The following GRM7 variants were observed in gnomAD, a reference collection of about 807,000 sequenced individuals.
GRM7 encodes the protein glutamate metabotropic receptor 7, also known as metabotropic glutamate receptor 7.
Under a neutral mutation model 84.5 loss-of-function variants are expected in GRM7, and 35 were observed. The observed-to-expected ratio is 0.41, with a 90% CI of 0.32 to 0.55. The LOEUF (loss-of-function observed/expected upper bound fraction) is 0.55. Among genes scored for constraint, GRM7 ranks in the 20% least tolerant of loss-of-function variants. The pLI is 0.19. For synonymous variants in GRM7, 487 were observed against 455.1 expected, an observed-to-expected ratio of 1.07 and a Z score of -0.89; for missense variants, 1,003 against 1,194.6, an observed-to-expected ratio of 0.84 and a Z score of 2.36.
rs553033887 is a variant in GRM7, at chr3:7,649,782, A to G, written c.2452-30267A>G. On this transcript the variant is annotated intron_variant, in intron 8 of 9. Coordinates refer to ENST00000357716, the MANE Select transcript of GRM7 (RefSeq NM_000844.4). Reference sequence around the variant, plus strand: ...TTCCTAATCATATAACATGGCCTATATAATTTTCCACCCAAATTTATTTCT... The same window carrying G: ...TTCCTAATCATATAACATGGCCTATGTAATTTTCCACCCAAATTTATTTCT... Among the ~76,000 whole-genome samples, 17 of 151,774 alleles carry G rather than the reference A, an allele frequency of 1.1e-4. No homozygotes were observed. In the South Asian group the frequency reaches 3.5e-3, roughly 32 times the overall value.
At chr3:7,503,021 T>C (rs1699929978) in intron 7 of GRM7, among the ~76,000 whole-genome samples, 1 of 152,138 alleles carries the variant, frequency 6.6e-6, no homozygotes, top group Non-Finnish European at 1.5e-5. Context: ...TAATAACTTA[T>C]ACATGTAATT....
chr3:7,665,960 T>G (rs1378591721), intron 8 of GRM7, among the ~76,000 whole-genome samples: 1 of 152,206 alleles, frequency 6.6e-6, no homozygotes, highest in East Asian at 1.9e-4. Context: ...TCAAAAATTA[T>G]TTTTTGAAGG....
chr3:7,686,772 A>T (rs144009399), intron 9 of GRM7, among the ~76,000 whole-genome samples: 79 of 152,282 alleles, frequency 5.2e-4, no homozygotes, highest in African/African-American at 1.8e-3. Flanking sequence ...ATTTCTCAGT[A>T]TTTCTCAATG....
chr3:6,929,237 TTAA>T (rs1346383329), intron 1 of GRM7, among the ~76,000 whole-genome samples: 7 of 152,200 alleles, frequency 4.6e-5, no homozygotes, highest in African/African-American at 1.4e-4. Flanking sequence ...TATTCATTTT[TTAA>T]TAACACACAG....
chr3:7,377,637 A>G (rs997461307), intron 4 of GRM7, among the ~76,000 whole-genome samples: 1 of 152,184 alleles, frequency 6.6e-6, no homozygotes, highest in Non-Finnish European at 1.5e-5. Context: ...GTGACCTCAG[A>G]TGTTGATATC....
chr3:7,042,063 G>A (rs556042153), intron 1 of GRM7, among the ~76,000 whole-genome samples: 12 of 152,164 alleles, frequency 7.9e-5, no homozygotes, highest in East Asian at 1.9e-4. Context: ...CCCATACCTC[G>A]CCCTATGCAT....
chr3:7,605,864 C>T (rs1575546695), intron 8 of GRM7, among the ~76,000 whole-genome samples: 1 of 152,196 alleles, frequency 6.6e-6, no homozygotes, highest in Non-Finnish European at 1.5e-5. Flanking sequence ...AGCTACTGAA[C>T]TTTGCTATTG....
intron 1 of GRM7, among the ~76,000 whole-genome samples, chr3:7,065,273 G>T (rs1697614553): frequency 6.6e-6 from 1 of 151,864 alleles, no homozygotes; most frequent in Non-Finnish European, 1.5e-5. Flanking sequence ...CTAAGCCAAT[G>T]TCTAAAATGG....
chr3:7,612,780 T>C (rs567334631), intron 8 of GRM7, among the ~76,000 whole-genome samples: 20 of 152,302 alleles, frequency 1.3e-4, no homozygotes, highest in Non-Finnish European at 2.5e-4. Flanking sequence ...AAAAAGTGAT[T>C]TGGGCACCAA....
At chr3:7,592,413 G>A (rs1695835359) in intron 8 of GRM7, among the ~76,000 whole-genome samples, 1 of 152,148 alleles carries the variant, frequency 6.6e-6, no homozygotes, top group Admixed American at 6.5e-5. Context: ...GAGCATTCTG[G>A]GTAGAGAGAC....
chr3:7,501,092 TAG>T (rs1699868663), intron 7 of GRM7, among the ~76,000 whole-genome samples: 1 of 152,228 alleles, frequency 6.6e-6, no homozygotes, highest in Non-Finnish European at 1.5e-5. Flanking sequence ...ATTGACTATA[TAG>T]AGTGTTGACT....
intron 4 of GRM7, among the ~76,000 whole-genome samples, chr3:7,312,378 A>G (rs12637080): frequency 0.21 from 31,112 of 151,752 alleles, 4,159 homozygotes; most frequent in African/African-American, 0.38. Context: ...AGTTCCTCAA[A>G]AGGAAGGGAG....
chr3:7,174,832 C>G (rs935159616), intron 2 of GRM7, among the ~76,000 whole-genome samples: 2 of 152,174 alleles, frequency 1.3e-5, no homozygotes, highest in African/African-American at 2.4e-5. Context: ...CAACTTTACT[C>G]AATGGAAAGA....
intron 2 of GRM7, among the ~76,000 whole-genome samples, chr3:7,241,760 C>T (rs558306886): frequency 6.6e-6 from 1 of 152,178 alleles, no homozygotes; most frequent in South Asian, 2.1e-4. Context: ...CCAGCAAAGT[C>T]CCGTGATTTC....
chr3:7,645,084 C>T (rs904654790), intron 8 of GRM7, among the ~76,000 whole-genome samples: 54 of 152,226 alleles, frequency 3.5e-4, no homozygotes, highest in African/African-American at 1.2e-3. Context: ...AAAGCTCTGG[C>T]TGTCCTGCCC....
At chr3:7,633,383 G>A (rs1697939450) in intron 8 of GRM7, among the ~76,000 whole-genome samples, 1 of 152,222 alleles carries the variant, frequency 6.6e-6, no homozygotes, top group Admixed American at 6.5e-5. Flanking sequence ...TAGCTAGCAA[G>A]TGATGGAGCC....
chr3:7,506,038 C>T (rs986595687), intron 7 of GRM7, among the ~76,000 whole-genome samples: 7 of 152,196 alleles, frequency 4.6e-5, no homozygotes, highest in African/African-American at 1.2e-4. Context: ...ACTCTTTCTT[C>T]TATATTTTAC....
intron 4 of GRM7, among the ~76,000 whole-genome samples, chr3:7,368,809 C>A (rs1298760102): frequency 6.6e-6 from 1 of 152,114 alleles, no homozygotes; most frequent in Non-Finnish European, 1.5e-5. Flanking sequence ...TACATCTGTT[C>A]TTGATTCCCA....
At chr3:7,076,245 T>C (rs995138403) in intron 1 of GRM7, among the ~76,000 whole-genome samples, 5 of 152,050 alleles carry the variant, frequency 3.3e-5, no homozygotes, top group Non-Finnish European at 1.5e-5. Flanking sequence ...AAAATAGTAG[T>C]TCCATTGTTT....
Sources: allele counts gnomAD v4.1 joint callset (sites outside exome capture counted in the v4.1 genomes callset), GRCh38; gene constraint gnomAD v4.1.1; transcripts MANE v1.5; gene names NCBI Gene and HGNC (gene_info 2026-07-23, HGNC 2026-07-21).